ALCAM: variants seen among roughly 807,000 people sequenced by gnomAD.
ALCAM encodes the protein activated leukocyte cell adhesion molecule, also known as CD166 antigen.
ALCAM carries 30 observed loss-of-function variants against 70.9 expected under a neutral mutation model. The ratio of observed to expected loss-of-function variants is 0.42; its 90% CI spans 0.32 to 0.57. The LOEUF (loss-of-function observed/expected upper bound fraction) is 0.57, where lower values mean the gene tolerates loss of function less well. Ranked by LOEUF, ALCAM falls within the 20% of genes least tolerant of loss-of-function variation. The probability of loss-of-function intolerance (pLI) is 0.11; values close to 1 mark genes in which losing one functional copy is unlikely to be tolerated. For missense variants in ALCAM, 591 were observed against 695.1 expected (o/e 0.85, Z 1.68); for synonymous variants, 249 against 242.5 (o/e 1.03, Z -0.25).
chr3:105,527,924 G>A (rs1019704081), intron 3 of ALCAM, among the ~76,000 whole-genome samples: 11 of 146,912 alleles, frequency 7.5e-5, no homozygotes, highest in Non-Finnish European at 1.1e-4. Flanking sequence ...GCATTGAGGG[G>A]GGAGGAAGCA....
chr3:105,435,462 A>T (rs1396481061), intron 1 of ALCAM, among the ~76,000 whole-genome samples: 1 of 152,234 alleles, frequency 6.6e-6, no homozygotes, highest in Non-Finnish European at 1.5e-5. Flanking sequence ...CTATCATATG[A>T]CTCAATGTCA....
At chr3:105,381,495 A>T (rs953288797) in intron 1 of ALCAM, among the ~76,000 whole-genome samples, 1 of 152,040 alleles carries the variant, frequency 6.6e-6, no homozygotes, top group African/African-American at 2.4e-5. Context: ...ATTAATTGTT[A>T]GTATCATATT....
intron 6 of ALCAM, among the ~76,000 whole-genome samples, chr3:105,537,960 G>T (rs1237351849): frequency 6.6e-6 from 1 of 152,134 alleles, no homozygotes; most frequent in East Asian, 1.9e-4. Context: ...TTTTGTAGGG[G>T]TTTATGTAGC....
At chr3:105,488,077 G>C (rs1283162935) in intron 1 of ALCAM, among the ~76,000 whole-genome samples, 1 of 152,072 alleles carries the variant, frequency 6.6e-6, no homozygotes, top group African/African-American at 2.4e-5. Flanking sequence ...CTTTTGTTAG[G>C]TCCTGGGAGA....
At chr3:105,545,065 A>G in intron 8 of ALCAM, 158 bp from the exon 9 acceptor site, 1 of 600,678 alleles carries the variant, frequency 1.7e-6, no homozygotes, top group South Asian at 1.7e-5. Context: ...AACTAGGCTA[A>G]TCATGCTATA....
At chr3:105,572,036 T>C in intron 15 of ALCAM, 72 bp downstream of exon 15, 5 of 848,860 alleles carry the variant, frequency 5.9e-6, no homozygotes, top group Non-Finnish European at 9.0e-6. Context: ...GATGAAGTCC[T>C]TTATGTTAAG....
chr3:105,385,765 A>G (rs930006588), intron 1 of ALCAM, among the ~76,000 whole-genome samples: 1 of 151,660 alleles, frequency 6.6e-6, no homozygotes, highest in African/African-American at 2.4e-5. Context: ...AAGTTTTAGG[A>G]ATTCTGAATT....
intron 1 of ALCAM, among the ~76,000 whole-genome samples, chr3:105,419,337 T>C (rs1936586786): frequency 6.6e-6 from 1 of 151,712 alleles, no homozygotes; most frequent in Non-Finnish European, 1.5e-5. Flanking sequence ...TTGCTGCATT[T>C]GAGAAAATAG....
intron 14 of ALCAM, among the ~76,000 whole-genome samples, chr3:105,563,962 C>T (rs572090807): frequency 2.4e-4 from 37 of 152,094 alleles, no homozygotes; most frequent in African/African-American, 7.7e-4. Context: ...GCTGGGACTA[C>T]AGGCGTGAGC....
chr3:105,371,846 GTCTCAATGTATACAT>G (rs1935243454), intron 1 of ALCAM, among the ~76,000 whole-genome samples: 1 of 152,116 alleles, frequency 6.6e-6, no homozygotes, highest in African/African-American at 2.4e-5. Context: ...ATATGTCTCT[GTCTCAATGTATACAT>G]AGAAACTTAA....
At position 105,368,825 on chromosome 3, in the gene ALCAM, A is replaced by G. The variant is rs554203763; in HGVS notation, c.73+1344A>G. 2.6e-5 allele frequency among the ~76,000 whole-genome samples: 4 copies of G among 152,108 alleles called. No homozygotes were observed. In the South Asian group the frequency reaches 6.2e-4, roughly 24 times the overall value. ...TTAAAGTTACATTTCTGGGTGAGGT[A>G]ATGAGCTCACCTGATGTTTCTGAGG... On this transcript the variant is annotated intron_variant, in intron 1 of 15. Transcript: ENST00000306107.
At chr3:105,516,061 A>G (rs1351133582) in intron 1 of ALCAM, among the ~76,000 whole-genome samples, 1 of 151,978 alleles carries the variant, frequency 6.6e-6, no homozygotes, top group East Asian at 1.9e-4. Flanking sequence ...CTATTAATGT[A>G]TTGGTTCAAT....
At chr3:105,442,925 G>T (rs757828943) in intron 1 of ALCAM, among the ~76,000 whole-genome samples, 1 of 152,172 alleles carries the variant, frequency 6.6e-6, no homozygotes, top group Non-Finnish European at 1.5e-5. Flanking sequence ...GAACTCCTGG[G>T]CTAAAGGGAT....
intron 1 of ALCAM, among the ~76,000 whole-genome samples, chr3:105,382,210 A>G (rs1294424501): frequency 6.6e-6 from 1 of 150,904 alleles, no homozygotes; most frequent in Admixed American, 6.7e-5. Flanking sequence ...TGTCCTTGCC[A>G]TAGTTTACTG....
At chr3:105,390,270 T>C (rs1935782264) in intron 1 of ALCAM, among the ~76,000 whole-genome samples, 1 of 151,830 alleles carries the variant, frequency 6.6e-6, no homozygotes, top group Non-Finnish European at 1.5e-5. Flanking sequence ...TGTTTCTTGA[T>C]TTTTTAATAA....
intron 15 of ALCAM, 40 bp downstream of exon 15, chr3:105,572,004 G>C (rs1940869412): frequency 1.7e-6 from 2 of 1,175,094 alleles, no homozygotes; most frequent in Admixed American, 2.2e-5. Flanking sequence ...TAATTCCCTA[G>C]CAAGTAGGAA....
intron 1 of ALCAM, among the ~76,000 whole-genome samples, chr3:105,477,528 C>T (rs1938153224): frequency 6.6e-6 from 1 of 151,904 alleles, no homozygotes; most frequent in African/African-American, 2.4e-5. Flanking sequence ...TTAATATTTT[C>T]TGTCTTTGTT....
intron 1 of ALCAM, among the ~76,000 whole-genome samples, chr3:105,378,485 T>C (rs537162246): frequency 1.3e-5 from 2 of 151,932 alleles, no homozygotes; most frequent in Non-Finnish European, 2.9e-5. Flanking sequence ...TTTATATTTT[T>C]GCAGAGATGG....
intron 1 of ALCAM, among the ~76,000 whole-genome samples, chr3:105,514,145 C>T (rs1939318824): frequency 6.6e-6 from 1 of 151,910 alleles, no homozygotes; most frequent in South Asian, 2.1e-4. Flanking sequence ...AACCCAAAAC[C>T]TCACACTGAT....
Sources: allele counts gnomAD v4.1 joint callset (sites outside exome capture counted in the v4.1 genomes callset), GRCh38; gene constraint gnomAD v4.1.1; transcripts MANE v1.5; gene names NCBI Gene and HGNC (gene_info 2026-07-23, HGNC 2026-07-21).